The following YEATS4 variants were observed in gnomAD, a reference collection of about 807,000 sequenced individuals.
YEATS4 encodes the protein YEATS domain containing 4.
A neutral mutation model predicts 30.1 loss-of-function variants in YEATS4; 17 were observed. The observed-to-expected ratio is 0.56, with a 90% confidence interval of 0.39 to 0.85. The LOEUF (loss-of-function observed/expected upper bound fraction) is 0.85. YEATS4 is among the 40% of genes least tolerant of loss of function. The pLI, the probability that YEATS4 is intolerant of heterozygous loss-of-function variation, is 0.00. For synonymous variants in YEATS4, 85 were observed against 87.5 expected (o/e 0.97, Z 0.16); for missense variants, 142 against 268.3 (o/e 0.53, Z 3.29).
chr12:69,404,382 C>T, the YEATS4 span, among the ~76,000 whole-genome samples: 3 of 152,190 alleles, frequency 2.0e-5, no homozygotes, highest in African/African-American at 7.2e-5. Context: ...TTGGGTGAGA[C>T]CTTTGGGAGC....
rs180699346 is a variant in YEATS4 at position 69,379,031 on chromosome 12, T to C, written c.514+8056T>C. On this transcript the variant is annotated intron_variant, in intron 6 of 6. Transcript: ENST00000247843. Reference sequence around the variant, plus strand: ...GCTATTTTCACCAGATGTACTATTCTAGGACAAAAGGCTTTTTTTCCTTCA... The same window carrying C: ...GCTATTTTCACCAGATGTACTATTCCAGGACAAAAGGCTTTTTTTCCTTCA... 8.9e-4 allele frequency among the ~76,000 whole-genome samples: 135 copies of C among 152,356 alleles called. 1 individual carries two copies. Among genetic ancestry groups the C allele is most frequent in the African/African-American group, 3.1e-3 (130 of 41,586 alleles).
At chr12:69,371,553 T>C (rs12811804) in intron 6 of YEATS4, among the ~76,000 whole-genome samples, 8,709 of 152,314 alleles carry the variant, frequency 0.057, 494 homozygotes, top group East Asian at 0.28. Context: ...TGAAATCTAT[T>C]TGACATCCCT....
At chr12:69,413,942 A>G in the YEATS4 span, among the ~76,000 whole-genome samples, 1 of 152,178 alleles carries the variant, frequency 6.6e-6, no homozygotes. Context: ...TTACATTTCC[A>G]TCAAAGGGCT....
At chr12:69,398,321 AC>A in the YEATS4 span, among the ~76,000 whole-genome samples, 38 of 151,696 alleles carry the variant, frequency 2.5e-4, no homozygotes, top group East Asian at 6.4e-3. Context: ...ACACACACAC[AC>A]AAAAAAACTA....
the YEATS4 span, among the ~76,000 whole-genome samples, chr12:69,411,813 G>C: frequency 6.6e-6 from 1 of 152,236 alleles, no homozygotes; most frequent in Non-Finnish European, 1.5e-5. Context: ...AAGCATTCCT[G>C]GTGTGTCTGG....
chr12:69,392,883 CCTTT>C (rs1868326496), downstream of YEATS4, among the ~76,000 whole-genome samples: 1 of 152,122 alleles, frequency 6.6e-6, no homozygotes, highest in South Asian at 2.1e-4. Context: ...AAACCTCCTT[CCTTT>C]AACTAATTGT....
downstream of YEATS4, among the ~76,000 whole-genome samples, chr12:69,392,483 C>T (rs1381408796): frequency 2.6e-5 from 4 of 152,176 alleles, no homozygotes. Flanking sequence ...TCAAAATGTC[C>T]ATCAACTAAT....
At chr12:69,405,299 G>A in the YEATS4 span, among the ~76,000 whole-genome samples, 2 of 152,196 alleles carry the variant, frequency 1.3e-5, no homozygotes, top group African/African-American at 4.8e-5. Context: ...CTATGATAAA[G>A]TTTAATTTAT....
At chr12:69,371,463 T>C (rs1311509353) in intron 6 of YEATS4, among the ~76,000 whole-genome samples, 3 of 152,244 alleles carry the variant, frequency 2.0e-5, no homozygotes, top group Non-Finnish European at 4.4e-5. Flanking sequence ...GTATTTTCTC[T>C]CTAAGCTGAC....
At chr12:69,397,815 GC>G in the YEATS4 span, among the ~76,000 whole-genome samples, 4 of 152,254 alleles carry the variant, frequency 2.6e-5, no homozygotes, top group South Asian at 4.2e-4. Flanking sequence ...AAGGAGAGAG[GC>G]CTCAGGAGAA....
intron 6 of YEATS4, among the ~76,000 whole-genome samples, chr12:69,385,788 G>A (rs1876252349): frequency 6.6e-6 from 1 of 152,198 alleles, no homozygotes; most frequent in Non-Finnish European, 1.5e-5. Context: ...AGCTTACTAT[G>A]TACCTGACAA....
chr12:69,405,399 T>G, the YEATS4 span, among the ~76,000 whole-genome samples: 1 of 152,264 alleles, frequency 6.6e-6, no homozygotes, highest in Non-Finnish European at 1.5e-5. Context: ...CATGGATAGA[T>G]GATTCATTCT....
At chr12:69,370,843 G>T (rs1381935517) in intron 5 of YEATS4, 45 bp downstream of exon 5, 7 of 1,598,424 alleles carry the variant, frequency 4.4e-6, no homozygotes, top group Non-Finnish European at 5.1e-6. Flanking sequence ...TTTGAAGTTG[G>T]AGAACTTTGA....
intron 6 of YEATS4, among the ~76,000 whole-genome samples, chr12:69,388,057 A>ATT (rs1327528248): frequency 1.5e-5 from 1 of 65,932 alleles, no homozygotes; most frequent in Non-Finnish European, 3.4e-5. Flanking sequence ...TATTTTTTTT[A>ATT]TTTTTATTTT....
At chr12:69,365,095 A>G (rs1374285474) in intron 2 of YEATS4, among the ~76,000 whole-genome samples, 5 of 152,128 alleles carry the variant, frequency 3.3e-5, no homozygotes, top group African/African-American at 7.2e-5. Flanking sequence ...TGGGACGTGT[A>G]TTTCTATACA....
the YEATS4 span, among the ~76,000 whole-genome samples, chr12:69,405,447 T>A: frequency 6.6e-6 from 1 of 152,206 alleles, no homozygotes; most frequent in African/African-American, 2.4e-5. Context: ...GCGTACAGTT[T>A]TTTTTCTTTC....
chr12:69,404,191 G>A, the YEATS4 span, among the ~76,000 whole-genome samples: 1 of 152,146 alleles, frequency 6.6e-6, no homozygotes, highest in Non-Finnish European at 1.5e-5. Context: ...ATATTTGGGT[G>A]TTCTGCAGGC....
chr12:69,388,123 C>CT (rs1317266388), intron 6 of YEATS4, among the ~76,000 whole-genome samples: 1 of 151,506 alleles, frequency 6.6e-6, no homozygotes, highest in Non-Finnish European at 1.5e-5. Flanking sequence ...GTGCAGGGCG[C>CT]GATCTCGGCT....
intron 6 of YEATS4, among the ~76,000 whole-genome samples, chr12:69,385,354 TATCTGGGAATATTAA>T (rs1252870001): frequency 6.6e-6 from 1 of 152,166 alleles, no homozygotes; most frequent in African/African-American, 2.4e-5. Flanking sequence ...TTAGGAAAGC[TATCTGGGAATATTAA>T]TCAAAGGTCT....
Sources: gnomAD v4.1 joint callset for allele counts (sites outside exome capture counted in the v4.1 genomes callset) on GRCh38, gnomAD v4.1.1 for gene constraint, MANE v1.5 for transcripts, NCBI Gene and HGNC (gene_info 2026-07-23, HGNC 2026-07-21) for gene names.